Variants in SIPA1L3 observed in about 807,000 individuals in gnomAD.
SIPA1L3 encodes signal induced proliferation associated 1 like 3.
SIPA1L3 carries 59 observed loss-of-function variants against 150.1 expected under a neutral mutation model. That is an observed-to-expected ratio of 0.39 (90% CI 0.32 to 0.49). SIPA1L3 has a LOEUF of 0.49. Ranked by LOEUF, SIPA1L3 falls within the 20% of genes least tolerant of loss-of-function variation. The probability of loss-of-function intolerance (pLI) is 0.86; values close to 1 mark genes in which losing one functional copy is unlikely to be tolerated. For synonymous variants in SIPA1L3, 1,070 were observed against 1,077.6 expected, an observed-to-expected ratio of 0.99 and a Z score of 0.14; for missense variants, 2,211 against 2,489.5, an observed-to-expected ratio of 0.89 and a Z score of 2.38.
rs552632220 is a variant in SIPA1L3 at position 38,192,584 on chromosome 19, C to T, written c.4596+274C>T. On this transcript the variant is annotated intron_variant, in intron 17 of 21. Coordinates refer to ENST00000222345, the MANE Select transcript of SIPA1L3 (RefSeq NM_015073.3). ...AGAACCTCGCACAACTGGAGGGCCTCGTGCCCTCCTCCTCCAGCCCAGGAT... is the reference window on the plus strand; with the variant it reads ...AGAACCTCGCACAACTGGAGGGCCTTGTGCCCTCCTCCTCCAGCCCAGGAT... Among the ~76,000 whole-genome samples, 107 of 152,260 alleles carry T rather than the reference C, an allele frequency of 7.0e-4. 1 individual carries two copies. In the South Asian group the frequency reaches 0.012, roughly 17 times the overall value.
chr19:38,111,652 T>C (rs1970748409), intron 8 of SIPA1L3, among the ~76,000 whole-genome samples: 1 of 152,150 alleles, frequency 6.6e-6, no homozygotes, highest in South Asian at 2.1e-4. Flanking sequence ...CAGCGCTGGT[T>C]GTCTAGCACC....
chr19:38,031,053 C>T (rs1271348946), intron 2 of SIPA1L3, among the ~76,000 whole-genome samples: 1 of 152,124 alleles, frequency 6.6e-6, no homozygotes, highest in African/African-American at 2.4e-5. Context: ...GCCTGGGTAC[C>T]TGAAGCTTGT....
At position 38,083,007 on chromosome 19, in the gene SIPA1L3, A is replaced by C; in HGVS notation, c.1442A>C (p.Glu481Ala). Residue 481 changes from glutamate to alanine, a missense_variant, in exon 3 of 22, where the codon GAG becomes GCG. Coordinates refer to ENST00000222345, the MANE Select transcript of SIPA1L3 (RefSeq NM_015073.3). Reference sequence around the variant, plus strand: ...ATCTCGGTGTTGGAAGTTCCCAAGGAGCAGCAGCGGACGCAGAGTCGGCCC... The same window carrying C: ...ATCTCGGTGTTGGAAGTTCCCAAGGCGCAGCAGCGGACGCAGAGTCGGCCC... ...ASISVLEVPK[E>A]QQRTQSRPRQ... 6.2e-7 allele frequency: 1 copy of C among 1,613,298 alleles called. No homozygotes were observed. The highest frequency in any genetic ancestry group is 8.5e-7 in the Non-Finnish European group (1 of 1,179,978).
chr19:37,975,004 C>T (rs997793688), intron 1 of SIPA1L3, among the ~76,000 whole-genome samples: 1 of 152,164 alleles, frequency 6.6e-6, no homozygotes, highest in African/African-American at 2.4e-5. Context: ...GGTGAAACCC[C>T]ACCTCTACAA....
chr19:38,180,570 T>G (rs527580672), intron 15 of SIPA1L3, among the ~76,000 whole-genome samples: 1 of 151,178 alleles, frequency 6.6e-6, no homozygotes, highest in South Asian at 2.1e-4. Flanking sequence ...AATTTCACTC[T>G]TTTTGCCCAG....
In SIPA1L3 at chr19:38,119,811, G is replaced by A; in HGVS notation, c.2797G>A (p.Gly933Arg). 1 of 1,613,740 alleles carries A rather than the reference G, an allele frequency of 6.2e-7. No homozygotes were observed. Among genetic ancestry groups the A allele is most frequent in the Non-Finnish European group, 8.5e-7 (1 of 1,180,026 alleles). ...SSTLKIFYGRGDHIFLQATEG... is the reference protein window; with the variant it reads ...SSTLKIFYGRRDHIFLQATEG... ...CACACTCAAAATCTTCTATGGACGA[G>A]GAGACCACATCTTCCTACAGGCGAC... Residue 933 changes from glycine (G) to arginine (R), a missense_variant, in exon 9 of 22, where the codon GGA becomes AGA. This residue lies in a region of SIPA1L3 where 625 missense variants were observed against 804.2 expected (regional missense o/e 0.78). Coordinates refer to ENST00000222345, the MANE Select transcript of SIPA1L3 (RefSeq NM_015073.3).
chr19:38,189,177 C>T (rs1972753593), intron 16 of SIPA1L3, among the ~76,000 whole-genome samples: 1 of 151,074 alleles, frequency 6.6e-6, no homozygotes, highest in African/African-American at 2.4e-5. Context: ...CACTGTCACC[C>T]AGGCTGGAGT....
At chr19:37,991,164 A>T (rs574476518) in intron 1 of SIPA1L3, among the ~76,000 whole-genome samples, 1 of 152,268 alleles carries the variant, frequency 6.6e-6, no homozygotes, top group East Asian at 1.9e-4. Context: ...CCTGGGAGGC[A>T]GAGGTTGCTG....
In SIPA1L3 at chr19:38,046,456, T is replaced by C. The variant is rs1969059463; in HGVS notation, c.-311+17300T>C. Among the ~76,000 whole-genome samples, 1 of 152,130 alleles carries C rather than the reference T, an allele frequency of 6.6e-6. No individual in the cohort carries two copies. Among genetic ancestry groups the C allele is most frequent in the South Asian group, 2.1e-4 (1 of 4,824 alleles). On this transcript the variant is annotated intron_variant, in intron 2 of 21. Transcript: ENST00000222345. This position sits in a 1 kb window ranked among gnomAD's most constrained non-coding sequence, Gnocchi z 5.6. ...GGTGGTGGTGGAGTCTTTGACCTCA[T>C]GCCGATCAACGTGCTTCTCTCGGTT...
intron 4 of SIPA1L3, among the ~76,000 whole-genome samples, chr19:38,098,568 T>C (rs1441338974): frequency 3.3e-5 from 5 of 152,104 alleles, no homozygotes; most frequent in Non-Finnish European, 7.4e-5. Context: ...CTAATTTTTG[T>C]ATTTTTAATG....
Position 38,182,645 on chromosome 19 carries a change from C to A in SIPA1L3, c.4335C>A (p.Phe1445Leu), listed in dbSNP as rs767442069. 6.2e-7 allele frequency: 1 copy of A among 1,614,206 alleles called. No homozygotes were observed. Among genetic ancestry groups the A allele is most frequent in the Admixed American group, 1.7e-5 (1 of 60,030 alleles). Residue 1445 changes from phenylalanine (F) to leucine (L), a missense_variant, in exon 16 of 22, where the codon TTC becomes TTA. Physicochemically the swap from Phe to Leu is conservative, Grantham distance 22. Transcript: ENST00000222345. ...FQLSASVPKS[F>L]FSKQPVRNKH... ...TCTCCGCCTCCGTCCCCAAGTCCTTCTTCTCCAAGCAGCCTGTACGCAATA... is the reference window on the plus strand; with the variant it reads ...TCTCCGCCTCCGTCCCCAAGTCCTTATTCTCCAAGCAGCCTGTACGCAATA...
In SIPA1L3 at chr19:38,164,790, C is replaced by T. The variant is rs781701177; in HGVS notation, c.4092C>T (p.Ser1364=). 2 of 1,611,942 alleles carry T rather than the reference C, an allele frequency of 1.2e-6. No homozygotes were observed. Among genetic ancestry groups the T allele is most frequent in the Admixed American group, 1.7e-5 (1 of 59,916 alleles). The change falls in exon 15 of 22, where the codon TCC becomes TCT. Residue 1364 remains serine (S), a synonymous_variant. Coordinates refer to ENST00000222345, the MANE Select transcript of SIPA1L3 (RefSeq NM_015073.3). The surrounding 1 kb of genome is among the most constrained non-coding windows in gnomAD (Gnocchi z 4.1). ...SHHADRRREV[S]PAPAVAGQSK... is the part of the protein sequence containing the mutation. ...ACGCAGACAGGCGGCGGGAGGTCTC[C>T]CCTGCCCCCGCAGTTGCCGGCCAAA...
chr19:38,160,223 A>G (rs1262527869), intron 13 of SIPA1L3, among the ~76,000 whole-genome samples: 5 of 151,738 alleles, frequency 3.3e-5, no homozygotes, highest in African/African-American at 4.8e-5. Flanking sequence ...CATGTTGGTC[A>G]GGCTGGTCCT....
rs1599950161 is a variant in SIPA1L3 at position 38,046,594 on chromosome 19, G to C, written c.-311+17438G>C. 6.6e-6 allele frequency among the ~76,000 whole-genome samples: 1 copy of C among 152,156 alleles called. No individual in the cohort carries two copies. The highest frequency in any genetic ancestry group is 6.5e-5 in the Admixed American group (1 of 15,268). On this transcript the variant is annotated intron_variant, in intron 2 of 21. Coordinates refer to ENST00000222345, the MANE Select transcript of SIPA1L3 (RefSeq NM_015073.3). This position sits in a 1 kb window ranked among gnomAD's most constrained non-coding sequence, Gnocchi z 5.6. ...GAAATGACTCCTTCATAGGCTGAGAGTTTTGGGAGGCCCTGTGCCACAACC... is the reference window on the plus strand; with the variant it reads ...GAAATGACTCCTTCATAGGCTGAGACTTTTGGGAGGCCCTGTGCCACAACC...
intron 9 of SIPA1L3, among the ~76,000 whole-genome samples, chr19:38,129,303 A>T (rs532179676): frequency 2.0e-5 from 3 of 152,146 alleles, no homozygotes; most frequent in Admixed American, 6.6e-5. Flanking sequence ...TCTGAGGAGG[A>T]GATGGGGAAA....
chr19:37,930,747 G>A (rs1320834418), intron 1 of SIPA1L3, among the ~76,000 whole-genome samples: 1 of 152,128 alleles, frequency 6.6e-6, no homozygotes, highest in East Asian at 1.9e-4. Context: ...TATCTGTAAG[G>A]TGGAGCTGGT....
chr19:37,986,457 G>A (rs1315216160), intron 1 of SIPA1L3, among the ~76,000 whole-genome samples: 1 of 152,230 alleles, frequency 6.6e-6, no homozygotes. Context: ...GGAGCTTGGC[G>A]TCTGGCAGTC....
intron 1 of SIPA1L3, among the ~76,000 whole-genome samples, chr19:38,020,121 A>T (rs1968339456): frequency 6.6e-6 from 1 of 152,104 alleles, no homozygotes; most frequent in South Asian, 2.1e-4. Flanking sequence ...TAAATAGAAT[A>T]ATGGTAGCTC....
intron 15 of SIPA1L3, among the ~76,000 whole-genome samples, chr19:38,174,484 C>T (rs1040974995): frequency 2.6e-5 from 4 of 152,156 alleles, no homozygotes; most frequent in South Asian, 2.1e-4. Flanking sequence ...CCACCTCTTA[C>T]CCCAACTGCG....
Sources: allele counts gnomAD v4.1 joint callset (sites outside exome capture counted in the v4.1 genomes callset), GRCh38; gene constraint gnomAD v4.1.1; regional missense constraint gnomAD v4.1.1; non-coding constraint Gnocchi (gnomAD v3.1); transcripts MANE v1.5; gene names NCBI Gene and HGNC (gene_info 2026-07-23, HGNC 2026-07-21).